The following TPRN variants were observed in gnomAD, a reference collection of about 807,000 sequenced individuals.
The protein encoded by TPRN is chromosome 9 open reading frame 75.
A neutral mutation model predicts 42.6 loss-of-function variants in TPRN; 32 were observed. That is an observed-to-expected ratio of 0.75 (90% confidence interval 0.57 to 1.01). TPRN has a LOEUF of 1.01. TPRN is among the 50% of genes least tolerant of loss of function. The pLI is 0.00. For synonymous variants in TPRN, 541 were observed against 445.6 expected (o/e 1.21, Z -2.70); for missense variants, 1,095 against 957.5 (o/e 1.14, Z -1.90).
At position 137,200,525 on chromosome 9, in the gene TPRN, G is replaced by C. The variant is rs1257535762; in HGVS notation, c.187C>G (p.Leu63Val). 3 of 1,167,932 alleles carry C rather than the reference G, an allele frequency of 2.6e-6. No individual in the cohort carries two copies. The highest frequency in any genetic ancestry group is 3.2e-6 in the Non-Finnish European group (3 of 945,246). The allele number at this position is 1,167,932 out of a possible 1,614,324, so 72.3% of individuals were successfully genotyped here. The change falls in exon 1 of 4, where the codon CTG becomes GTG. Residue 63 changes from leucine to valine, a missense_variant. By Grantham distance (32) the Leu-to-Val change is conservative (BLOSUM62 1). Coordinates refer to ENST00000409012, the MANE Select transcript of TPRN (RefSeq NM_001128228.3). The surrounding 1 kb of genome is among the most constrained non-coding windows in gnomAD (Gnocchi z 4.3). The stretch of plus-strand genomic sequence containing the variant: ...CCGCGCCGCCGCTCGGCCTCCAGCA[G>C]CATGAACGGGTTCTCGCGCAGCGGG... Reference protein sequence around the residue: ...LGPLRENPFMLLEAERRRGGG... With the variant: ...LGPLRENPFMVLEAERRRGGG...
At chr9:137,195,039 C>T (rs9411252) in intron 1 of TPRN, 37,448 of 152,442 alleles carry the variant, frequency 0.25, 4,744 homozygotes, top group South Asian at 0.29. Context: ...GCTTTGGTTA[C>T]CAAAGGGCCT....
At position 137,200,476 on chromosome 9, in the gene TPRN, AGCCGCGCCCCC is replaced by A. The variant is rs387906221; in HGVS notation, c.225_235del (p.Gly76AlafsTer150). On this transcript the variant is annotated frameshift_variant, in exon 1 of 4. Transcript: ENST00000409012. LOFTEE classifies it high-confidence loss of function. The surrounding 1 kb of genome is among the most constrained non-coding windows in gnomAD (Gnocchi z 4.3). Reference sequence around the variant, plus strand: ...AGGCACGCGGCGGTACCGCTCCAGCAGCCGCGCCCCCGCCGCGCCCCCGCCGCGCCGCCGCT... The same window carrying A: ...AGGCACGCGGCGGTACCGCTCCAGCAGCCGCGCCCCCGCCGCGCCGCCGCT... 297 of 1,118,704 alleles carry A rather than the reference AGCCGCGCCCCC, an allele frequency of 2.7e-4. 1 individual carries two copies. The highest frequency in any genetic ancestry group is 8.2e-4 in the South Asian group (27 of 32,944). The allele number at this position is 1,118,704 out of a possible 1,614,324, so 69.3% of individuals were successfully genotyped here.
chr9:137,199,251 GGGCCTGGCAGGGTGCAGA>G lies in TPRN; in HGVS notation c.1443_1460del (p.Leu482_Pro487del), dbSNP rs772232586. 119 of 1,612,786 alleles carry G rather than the reference GGGCCTGGCAGGGTGCAGA, an allele frequency of 7.4e-5. No homozygotes were observed. The highest frequency in any genetic ancestry group is 1.0e-4 in the Admixed American group (6 of 60,022). On this transcript the variant is annotated inframe_deletion, in exon 1 of 4. Coordinates refer to ENST00000409012, the MANE Select transcript of TPRN (RefSeq NM_001128228.3). ...GGGGCTGAAGCTCTGCCACGCACCC[GGGCCTGGCAGGGTGCAGA>G]GGCCTGGCAGGGTGCGGGAGGTAGG...
rs1156438653 is a variant in TPRN, at chr9:137,199,951, G to A, written c.761C>T (p.Ser254Leu). 5 of 1,485,432 alleles carry A rather than the reference G, an allele frequency of 3.4e-6. No individual in the cohort carries two copies. Among genetic ancestry groups the A allele is most frequent in the Non-Finnish European group, 4.5e-6 (5 of 1,117,976 alleles). 92.0% of individuals were successfully genotyped at this position (1,485,432 alleles called of 1,614,324 possible). The change falls in exon 1 of 4, where the codon TCG (serine) becomes TTG (leucine). Residue 254 changes from serine to leucine, a missense_variant. Ser to Leu is a moderately radical substitution (Grantham distance 145, BLOSUM62 -2). Transcript: ENST00000409012. ...GSGQWKPKVESGDPSLHPPPS... is the reference protein window; with the variant it reads ...GSGQWKPKVELGDPSLHPPPS... ...GGGCGGGTGGAGGGAGGGATCCCCC[G>A]ACTCCACCTTTGGCTTCCACTGTCC...
rs1834791204 is a variant in TPRN at position 137,200,473 on chromosome 9, A to C, written c.239T>G (p.Leu80Arg). 1 of 1,120,390 alleles carries C rather than the reference A, an allele frequency of 8.9e-7. No individual in the cohort carries two copies. The highest frequency in any genetic ancestry group is 1.1e-6 in the Non-Finnish European group (1 of 918,134). The allele number at this position is 1,120,390 out of a possible 1,614,324, so 69.4% of individuals were successfully genotyped here. The part of the protein sequence containing the change: ...RGGGAAGARL[L>R]ERYRRVPGVR... ...GCCAGGCACGCGGCGGTACCGCTCC[A>C]GCAGCCGCGCCCCCGCCGCGCCCCC... Residue 80 changes from leucine (L) to arginine (R), a missense_variant, in exon 1 of 4, where the codon CTG becomes CGG. By Grantham distance (102) the Leu-to-Arg change is moderately radical. Coordinates refer to ENST00000409012, the MANE Select transcript of TPRN (RefSeq NM_001128228.3). This position sits in a 1 kb window ranked among gnomAD's most constrained non-coding sequence, Gnocchi z 4.3.
chr9:137,200,589 C>A lies in TPRN; in HGVS notation c.123G>T (p.Ala41=), dbSNP rs1397480204. ...CCAGCACCCGCTGCTCGGGCTCCGCCGCCCCGGGCCCCGCGCCCCCGCCCA... is the reference window on the plus strand; with the variant it reads ...CCAGCACCCGCTGCTCGGGCTCCGCAGCCCCGGGCCCCGCGCCCCCGCCCA... ...AALGGGAGPG[A]AEPEQRVLAE... The change falls in exon 1 of 4, where the codon GCG becomes GCT. Residue 41 remains alanine, a synonymous_variant. Transcript: ENST00000409012. The surrounding 1 kb of genome is among the most constrained non-coding windows in gnomAD (Gnocchi z 4.3). The A allele has an allele frequency of 1.2e-5, 14 of 1,153,108 alleles. No individual in the cohort carries two copies. Among genetic ancestry groups the A allele is most frequent in the Non-Finnish European group, 1.4e-5 (13 of 941,418 alleles). The allele number at this position is 1,153,108 out of a possible 1,614,324, so 71.4% of individuals were successfully genotyped here.
chr9:137,192,776 AGGCTG>A, intron 1 of TPRN, 85 bp from the exon 2 acceptor site: 2 of 1,473,856 alleles, frequency 1.4e-6, no homozygotes, highest in Non-Finnish European at 1.9e-6. Context: ...CCTCAGGATG[AGGCTG>A]ACCCAAGTGG....
chr9:137,192,749 A>G (rs905080647), intron 1 of TPRN, 58 bp from the exon 2 acceptor site: 2 of 1,587,562 alleles, frequency 1.3e-6, no homozygotes, highest in African/African-American at 1.3e-5. Context: ...CAGTGATGCC[A>G]GGGGCTCAGG....
intron 1 of TPRN, among the ~76,000 whole-genome samples, chr9:137,197,154 A>T (rs1834717560): frequency 6.6e-6 from 1 of 152,076 alleles, no homozygotes; most frequent in Non-Finnish European, 1.5e-5. Context: ...GCTGGAGTGC[A>T]ATGGCGCGAT....
At chr9:137,192,852 C>A in intron 1 of TPRN, 161 bp from the exon 2 acceptor site, 1 of 728,896 alleles carries the variant, frequency 1.4e-6, no homozygotes, top group Non-Finnish European at 2.3e-6. Flanking sequence ...AGCTCTCCAG[C>A]TGGACCCTGC....
At chr9:137,192,806 C>G (rs1413521398) in intron 1 of TPRN, 115 bp from the exon 2 acceptor site, 6 of 1,151,044 alleles carry the variant, frequency 5.2e-6, no homozygotes, top group Non-Finnish European at 7.7e-6. Flanking sequence ...CCAGACACAC[C>G]ATCAACCGTT....
In TPRN at chr9:137,200,606, C is replaced by T. The variant is rs1834795091; in HGVS notation, c.106G>A (p.Gly36Ser). The T allele has an allele frequency of 8.6e-7, 1 of 1,161,758 alleles. No homozygotes were observed. The highest frequency in any genetic ancestry group is 1.1e-6 in the Non-Finnish European group (1 of 946,170). The allele number at this position is 1,161,758 out of a possible 1,614,324, so 72.0% of individuals were successfully genotyped here. Residue 36 changes from glycine (G) to serine (S), a missense_variant, in exon 1 of 4, where the codon GGC (glycine) becomes AGC (serine). Gly to Ser is a moderately conservative substitution (Grantham distance 56). Coordinates refer to ENST00000409012, the MANE Select transcript of TPRN (RefSeq NM_001128228.3). The surrounding 1 kb of genome is among the most constrained non-coding windows in gnomAD (Gnocchi z 4.3). ...GGCTCCGCCGCCCCGGGCCCCGCGCCCCCGCCCAGCGCGGCTAGCTTGGCC... is the reference window on the plus strand; with the variant it reads ...GGCTCCGCCGCCCCGGGCCCCGCGCTCCCGCCCAGCGCGGCTAGCTTGGCC... ...KRAKLAALGG[G>S]AGPGAAEPEQ...
At position 137,192,568 on chromosome 9, in the gene TPRN, CCTCT is replaced by C; in HGVS notation, c.1845_1848del (p.Glu616LysfsTer24). On this transcript the variant is annotated frameshift_variant, in exon 2 of 4. Coordinates refer to ENST00000409012, the MANE Select transcript of TPRN (RefSeq NM_001128228.3). LOFTEE classifies it high-confidence loss of function. ...GAGCCGGATCCCTCTTCCTCCTCTTCCTCTTCCTCCTCCTCCTCCTCCTCCTCCT... is the reference window on the plus strand; with the variant it reads ...GAGCCGGATCCCTCTTCCTCCTCTTCTCCTCCTCCTCCTCCTCCTCCTCCT... The C allele has an allele frequency of 6.2e-7, 1 of 1,611,990 alleles. No individual in the cohort carries two copies. The highest frequency in any genetic ancestry group is 2.2e-5 in the East Asian group (1 of 44,814).
rs1332229869 is a variant in TPRN at position 137,199,684 on chromosome 9, G to A, written c.1028C>T (p.Pro343Leu). 2 of 1,604,216 alleles carry A rather than the reference G, an allele frequency of 1.2e-6. No homozygotes were observed. Among genetic ancestry groups the A allele is most frequent in the Non-Finnish European group, 1.7e-6 (2 of 1,176,234 alleles). The change falls in exon 1 of 4, where the codon CCT becomes CTT. Residue 343 changes from proline to leucine, a missense_variant. Coordinates refer to ENST00000409012, the MANE Select transcript of TPRN (RefSeq NM_001128228.3). The stretch of plus-strand genomic sequence containing the variant: ...CACGGACTGCCTCCCCTCAGGAGGA[G>A]GAGCCCCGGAGGCCTTGCTCTTGGG... Reference protein sequence around the residue: ...VIPKSKASGAPPPEGRQSVEL... With the variant: ...VIPKSKASGALPPEGRQSVEL...
chr9:137,199,326 G>A lies in TPRN; in HGVS notation c.1386C>T (p.Asp462=). The A allele has an allele frequency of 6.2e-7, 1 of 1,612,656 alleles. No individual in the cohort carries two copies. The highest frequency in any genetic ancestry group is 8.5e-7 in the Non-Finnish European group (1 of 1,179,998). Residue 462 remains aspartate, a synonymous_variant, in exon 1 of 4, where the codon GAC becomes GAT. Transcript: ENST00000409012. ...GLPVTFIDEV[D]SEEAPQAAKL... ...TGGCTGCTTGGGGGGCCTCCTCCGA[G>A]TCTACCTCATCGATGAAGGTGACAG...
rs1391079369 is a variant in TPRN, at chr9:137,199,389, C to T, written c.1323G>A (p.Leu441=). The T allele has an allele frequency of 1.2e-6, 2 of 1,612,756 alleles. No individual in the cohort carries two copies. Among genetic ancestry groups the T allele is most frequent in the Admixed American group, 1.7e-5 (1 of 60,008 alleles). The part of the protein sequence containing the change: ...EPAEGLRVPG[L]AKNSREYVRP... Reference sequence around the variant, plus strand: ...TCACATATTCCCGGCTATTCTTGGCCAAGCCAGGAACCCTGAGGCCCTCAG... The same window carrying T: ...TCACATATTCCCGGCTATTCTTGGCTAAGCCAGGAACCCTGAGGCCCTCAG... Residue 441 remains leucine (L), a synonymous_variant, in exon 1 of 4, where the codon TTG becomes TTA. Transcript: ENST00000409012.
At position 137,199,215 on chromosome 9, in the gene TPRN, G is replaced by A; in HGVS notation, c.1497C>T (p.Asn499=). Residue 499 remains asparagine, a synonymous_variant, in exon 1 of 4, where the codon AAC becomes AAT. Coordinates refer to ENST00000409012, the MANE Select transcript of TPRN (RefSeq NM_001128228.3). ...CVAELQPRGS[N]TFTVVPKRKP... ...TCCTCTTGGGCACCACTGTGAAGGT[G>A]TTGCTGCCCCGGGGCTGAAGCTCTG... The A allele has an allele frequency of 2.8e-5, 45 of 1,613,126 alleles. No homozygotes were observed. Among genetic ancestry groups the A allele is most frequent in the Non-Finnish European group, 3.7e-5 (44 of 1,180,018 alleles).
At chr9:137,198,203 C>G (rs1355378310) in intron 1 of TPRN, among the ~76,000 whole-genome samples, 1 of 152,226 alleles carries the variant, frequency 6.6e-6, no homozygotes, top group Non-Finnish European at 1.5e-5. Flanking sequence ...CACCGCAGAC[C>G]GGGAAGTCAC....
chr9:137,198,153 C>G (rs376243363), intron 1 of TPRN, among the ~76,000 whole-genome samples: 6 of 152,230 alleles, frequency 3.9e-5, no homozygotes, highest in African/African-American at 9.6e-5. Context: ...AGGCGCCCCC[C>G]CTCAGTCCCC....
Sources: allele counts gnomAD v4.1 joint callset (sites outside exome capture counted in the v4.1 genomes callset), GRCh38; gene constraint gnomAD v4.1.1; non-coding constraint Gnocchi (gnomAD v3.1); transcripts MANE v1.5; gene names NCBI Gene and HGNC (gene_info 2026-07-23, HGNC 2026-07-21).